The following TMEM117 variants were observed in gnomAD, a reference collection of about 807,000 sequenced individuals.
The protein encoded by TMEM117 is transmembrane protein 117.
In TMEM117, 27 loss-of-function variants were observed where a neutral mutation model predicts 52.4. That is an observed-to-expected ratio of 0.51 (90% CI 0.38 to 0.71). The LOEUF (loss-of-function observed/expected upper bound fraction) is 0.71, where lower values mean the gene tolerates loss of function less well. Ranked by LOEUF, TMEM117 falls within the 30% of genes least tolerant of loss-of-function variation. The pLI, the probability that TMEM117 is intolerant of heterozygous loss-of-function variation, is 0.00. For synonymous variants in TMEM117, 215 were observed against 206.3 expected (o/e 1.04, Z -0.36); for missense variants, 556 against 630.5 (o/e 0.88, Z 1.26).
intron 5 of TMEM117, among the ~76,000 whole-genome samples, chr12:44,266,298 C>T (rs1334112178): frequency 6.6e-6 from 1 of 152,092 alleles, no homozygotes; most frequent in Non-Finnish European, 1.5e-5. Flanking sequence ...CATTTATTAT[C>T]GTCTGTCACG....
At chr12:44,317,300 G>GT (rs376272878) in intron 6 of TMEM117, among the ~76,000 whole-genome samples, 4,185 of 125,522 alleles carry the variant, frequency 0.033, 75 homozygotes, top group South Asian at 0.074. Flanking sequence ...ATATATATAT[G>GT]TTTTTTTTTT....
intron 3 of TMEM117, among the ~76,000 whole-genome samples, chr12:44,061,754 CATTGTTGTTTTATA>C (rs1947141898): frequency 6.6e-6 from 1 of 151,974 alleles, no homozygotes; most frequent in South Asian, 2.1e-4. Flanking sequence ...TTTAATTTGT[CATTGTTGTTTTATA>C]TTGGTTTAAG....
chr12:44,028,459 T>C (rs1396706286), intron 3 of TMEM117, among the ~76,000 whole-genome samples: 1 of 151,992 alleles, frequency 6.6e-6, no homozygotes, highest in South Asian at 2.1e-4. Context: ...AGATCAAAGG[T>C]CAGCACAAAA....
At chr12:44,231,723 C>T (rs913995880) in intron 5 of TMEM117, among the ~76,000 whole-genome samples, 1 of 151,728 alleles carries the variant, frequency 6.6e-6, no homozygotes, top group Non-Finnish European at 1.5e-5. Context: ...ATTGTATTGA[C>T]CATTAAAAAT....
intron 3 of TMEM117, among the ~76,000 whole-genome samples, chr12:44,055,648 A>G (rs779531963): frequency 2.6e-5 from 4 of 152,256 alleles, no homozygotes; most frequent in Admixed American, 2.0e-4. Context: ...TGGTAATAAT[A>G]TCATTTTCTT....
At chr12:44,299,899 G>C (rs1372508617) in intron 6 of TMEM117, among the ~76,000 whole-genome samples, 160 bp downstream of exon 6, 1 of 152,140 alleles carries the variant, frequency 6.6e-6, no homozygotes, top group Non-Finnish European at 1.5e-5. Context: ...ATTATACTGG[G>C]AGGGAAAGCC....
At chr12:43,926,517 A>C (rs1332953341) in intron 2 of TMEM117, among the ~76,000 whole-genome samples, 1 of 152,152 alleles carries the variant, frequency 6.6e-6, no homozygotes, top group Non-Finnish European at 1.5e-5. Context: ...TACCCTTTTA[A>C]ATTTGATTTT....
At chr12:44,283,571 G>A in intron 5 of TMEM117, among the ~76,000 whole-genome samples, 1 of 152,114 alleles carries the variant, frequency 6.6e-6, no homozygotes, top group South Asian at 2.1e-4. Flanking sequence ...TCAAACAGCT[G>A]TATTTACCCA....
At chr12:44,041,570 A>G (rs1344973749) in intron 3 of TMEM117, among the ~76,000 whole-genome samples, 1 of 152,002 alleles carries the variant, frequency 6.6e-6, no homozygotes, top group Non-Finnish European at 1.5e-5. Flanking sequence ...ACATTATTTC[A>G]TTACCCAGAT....
intron 7 of TMEM117, among the ~76,000 whole-genome samples, chr12:44,385,897 T>A (rs1302522882): frequency 1.3e-5 from 2 of 152,106 alleles, no homozygotes; most frequent in African/African-American, 4.8e-5. Flanking sequence ...TCCTTTTCTC[T>A]CCCCTCAGCC....
At chr12:44,248,751 AC>A in intron 5 of TMEM117, 1 of 170,968 alleles carries the variant, frequency 5.8e-6, no homozygotes, top group Non-Finnish European at 1.3e-5. Context: ...TGCCTGATGC[AC>A]CAGGGTGCCC....
In TMEM117 at chr12:43,955,679, G is replaced by C. The variant is rs1945295102; in HGVS notation, c.410+11337G>C. Among the ~76,000 whole-genome samples, 4 of 152,258 alleles carry C rather than the reference G, an allele frequency of 2.6e-5. 1 individual carries two copies. The South Asian group carries it at 8.3e-4, about 32-fold the overall frequency. ...GAAAAACATTCCACGGTCATGGATAGGAAGAATCAATGTCATGAAAATGGC... is the reference window on the plus strand; with the variant it reads ...GAAAAACATTCCACGGTCATGGATACGAAGAATCAATGTCATGAAAATGGC... On this transcript the variant is annotated intron_variant, in intron 3 of 7. Transcript: ENST00000266534.
chr12:44,075,765 G>A (rs1299880906), intron 3 of TMEM117, among the ~76,000 whole-genome samples: 1 of 152,094 alleles, frequency 6.6e-6, no homozygotes, highest in Non-Finnish European at 1.5e-5. Context: ...GGGTATAGGG[G>A]GGAAATTATA....
chr12:43,804,421 C>T, the TMEM117 span: 1 of 919,602 alleles, frequency 1.1e-6, no homozygotes, highest in Non-Finnish European at 1.7e-6. Context: ...AAATCACTGA[C>T]AACACACAGT....
chr12:44,324,881 A>C (rs1453949194), intron 6 of TMEM117, among the ~76,000 whole-genome samples: 1 of 152,170 alleles, frequency 6.6e-6, no homozygotes, highest in Non-Finnish European at 1.5e-5. Flanking sequence ...TTTATGGTGC[A>C]GCAATGAACA....
chr12:43,892,288 A>G (rs1295422270), intron 2 of TMEM117, among the ~76,000 whole-genome samples: 1 of 152,204 alleles, frequency 6.6e-6, no homozygotes. Context: ...TCAGCAAGGG[A>G]TTGTGACAAC....
At chr12:44,124,413 G>T (rs1948288728) in intron 3 of TMEM117, among the ~76,000 whole-genome samples, 1 of 152,152 alleles carries the variant, frequency 6.6e-6, no homozygotes, top group Non-Finnish European at 1.5e-5. Flanking sequence ...TTGCTTGACT[G>T]CCCTGGCCAG....
At chr12:44,245,005 G>A (rs1950111257) in intron 5 of TMEM117, among the ~76,000 whole-genome samples, 1 of 151,890 alleles carries the variant, frequency 6.6e-6, no homozygotes, top group South Asian at 2.1e-4. Flanking sequence ...ACTATAAATT[G>A]GTTGGCTTAT....
At chr12:43,878,060 A>G (rs548502005) in intron 2 of TMEM117, among the ~76,000 whole-genome samples, 3 of 63,632 alleles carry the variant, frequency 4.7e-5, no homozygotes, top group Admixed American at 2.2e-4. Context: ...CACGTTTTAC[A>G]ATGAAAAAAA....
Sources: gnomAD v4.1 joint callset for allele counts (sites outside exome capture counted in the v4.1 genomes callset) on GRCh38, gnomAD v4.1.1 for gene constraint, MANE v1.5 for transcripts, NCBI Gene and HGNC (gene_info 2026-07-23, HGNC 2026-07-21) for gene names.